The following ANKS3 variants were observed in gnomAD, a reference collection of about 807,000 sequenced individuals.
ANKS3 encodes ankyrin repeat and SAM domain-containing protein 3.
ANKS3 carries 62 observed loss-of-function variants against 80.7 expected under a neutral mutation model. The ratio of observed to expected loss-of-function variants is 0.77; its 90% CI spans 0.63 to 0.95. ANKS3 has a LOEUF of 0.95. Among genes scored for constraint, ANKS3 ranks in the 40% least tolerant of loss-of-function variants. The pLI, the probability that ANKS3 is intolerant of heterozygous loss-of-function variation, is 0.00. For synonymous variants in ANKS3, 489 were observed against 355.3 expected (o/e 1.38, Z -4.23); for missense variants, 1,150 against 883.6 (o/e 1.30, Z -3.82).
intron 7 of ANKS3, among the ~76,000 whole-genome samples, chr16:4,706,470 T>C (rs546277275): frequency 1.5e-4 from 23 of 152,186 alleles, no homozygotes; most frequent in South Asian, 2.1e-4. Flanking sequence ...CTCCTGACCT[T>C]GTGATCCGCC....
rs140116270 is a variant in ANKS3, at chr16:4,705,123, C to G, written c.840G>C (p.Leu280=). Residue 280 remains leucine, a synonymous_variant, in exon 8 of 18, where the codon CTG becomes CTC. Coordinates refer to ENST00000304283, the MANE Select transcript of ANKS3 (RefSeq NM_133450.4). ...AGCGAGGCCGTGGGGCTCTGCCGCC[C>G]AGGCCAATGCCTGTGATCCTGGCCA... ...RALARITGIG[L]GGRAPRPRYE... 2.5e-6 allele frequency: 4 copies of G among 1,612,970 alleles called. No individual in the cohort carries two copies. The Admixed American group carries it at 6.7e-5, about 27-fold the overall frequency.
rs927073495 is a variant in ANKS3 at position 4,732,689 on chromosome 16, A to C, written c.-70-1110T>G. Among the ~76,000 whole-genome samples the C allele has an allele frequency of 9.8e-5, 14 of 142,202 alleles. 1 individual carries two copies. Among genetic ancestry groups the C allele is most frequent in the African/African-American group, 3.5e-4 (14 of 39,680 alleles). 93.3% of individuals were successfully genotyped at this position (142,202 alleles called of 152,430 possible). On this transcript the variant is annotated intron_variant, in intron 1 of 17. Transcript: ENST00000304283. ...GCGAAATTCTGTCTCAAAAAAAAAAACAAAAAAAAAACACTAAAGTGAAAA... is the reference window on the plus strand; with the variant it reads ...GCGAAATTCTGTCTCAAAAAAAAAACCAAAAAAAAAACACTAAAGTGAAAA...
chr16:4,712,630 C>G (rs1276572848), intron 7 of ANKS3, among the ~76,000 whole-genome samples: 1 of 152,100 alleles, frequency 6.6e-6, no homozygotes, highest in Non-Finnish European at 1.5e-5. Flanking sequence ...CTGTAAAACA[C>G]CACTCAGGAA....
In ANKS3 at chr16:4,698,517, T is replaced by G; in HGVS notation, c.1634A>C (p.Glu545Ala). Residue 545 changes from glutamate (E) to alanine (A), a missense_variant, in exon 14 of 18, where the codon GAG (glutamate) becomes GCG (alanine). Glu to Ala is a moderately radical substitution (Grantham distance 107). Coordinates refer to ENST00000304283, the MANE Select transcript of ANKS3 (RefSeq NM_133450.4). Reference sequence around the variant, plus strand: ...GAGGTCCTCGCGGGCGCGGTCCTGCTCCAGCAGGCAGCTCTCCACCACGGC... The same window carrying G: ...GAGGTCCTCGCGGGCGCGGTCCTGCGCCAGCAGGCAGCTCTCCACCACGGC... ...LRAVVESCLL[E>A]QDRAREDLQA... 2 of 1,568,670 alleles carry G rather than the reference T, an allele frequency of 1.3e-6. No homozygotes were observed. Among genetic ancestry groups the G allele is most frequent in the Non-Finnish European group, 1.7e-6 (2 of 1,165,308 alleles).
chr16:4,704,566 C>T (rs185055009), intron 8 of ANKS3, among the ~76,000 whole-genome samples: 113 of 152,274 alleles, frequency 7.4e-4, no homozygotes, highest in Middle Eastern at 3.4e-3. Flanking sequence ...TGAGAATGAA[C>T]GAGACTGGAA....
At chr16:4,725,419 T>C (rs1427327855) in intron 5 of ANKS3, among the ~76,000 whole-genome samples, 1 of 152,216 alleles carries the variant, frequency 6.6e-6, no homozygotes, top group African/African-American at 2.4e-5. Flanking sequence ...AGACACACAG[T>C]GTTCATATTT....
intron 6 of ANKS3, 64 bp downstream of exon 6, chr16:4,724,686 C>T: frequency 1.3e-5 from 19 of 1,455,192 alleles, no homozygotes; most frequent in Non-Finnish European, 1.7e-5. Flanking sequence ...ATAGCTTATA[C>T]TTCAGTAATA....
At position 4,730,104 on chromosome 16, in the gene ANKS3, G is replaced by T; in HGVS notation, c.46C>A (p.Arg16Ser). 5.7e-6 allele frequency: 9 copies of T among 1,592,200 alleles called. No individual in the cohort carries two copies. Among genetic ancestry groups the T allele is most frequent in the East Asian group, 2.3e-5 (1 of 43,238 alleles). The change falls in exon 3 of 18, where the codon CGC (arginine) becomes AGC (serine). Residue 16 changes from arginine to serine, a missense_variant. By Grantham distance (110) the Arg-to-Ser change is moderately radical (BLOSUM62 -1). Transcript: ENST00000304283. ...AGCCCGTGCCACATGGACAAGCTGC[G>T]GTTCAGGAGTTCCGGCTCGCTGGCT... ...DEASEPELLNRSLSMWHGLGT... is the reference protein window; with the variant it reads ...DEASEPELLNSSLSMWHGLGT...
At chr16:4,707,088 G>A (rs962467025) in intron 7 of ANKS3, among the ~76,000 whole-genome samples, 1 of 152,134 alleles carries the variant, frequency 6.6e-6, no homozygotes, top group African/African-American at 2.4e-5. Flanking sequence ...TGAAGGGGAG[G>A]GAGCTGTAAG....
chr16:4,726,250 A>C (rs914392926), intron 5 of ANKS3, among the ~76,000 whole-genome samples: 2 of 152,342 alleles, frequency 1.3e-5, no homozygotes, highest in Admixed American at 1.3e-4. Context: ...AGCTGGGATC[A>C]CAGGCGTGAG....
intron 7 of ANKS3, among the ~76,000 whole-genome samples, chr16:4,707,844 C>T (rs2142062008): frequency 6.6e-6 from 1 of 152,280 alleles, no homozygotes; most frequent in East Asian, 1.9e-4. Context: ...GGCGCGGTGG[C>T]TCACGCCTGT....
At chr16:4,710,132 G>C (rs946582398) in intron 7 of ANKS3, among the ~76,000 whole-genome samples, 1 of 152,170 alleles carries the variant, frequency 6.6e-6, no homozygotes, top group East Asian at 1.9e-4. Flanking sequence ...TTGGGGGTGG[G>C]GAGGTAGTGG....
At chr16:4,723,767 G>A (rs1027853125) in intron 6 of ANKS3, among the ~76,000 whole-genome samples, 2 of 152,120 alleles carry the variant, frequency 1.3e-5, no homozygotes, top group Admixed American at 6.6e-5. Context: ...GAATATTTAT[G>A]TACAAGGTTC....
At position 4,731,594 on chromosome 16, in the gene ANKS3, T is replaced by A; in HGVS notation, c.-70-15A>T. ...CTGCACCTGGCCTGTAAATTTTAAA[T>A]ATAAATTAATTTTTCTGGAATGGTT... On this transcript the variant is annotated splice_polypyrimidine_tract_variant and intron_variant, in intron 1 of 17. Transcript: ENST00000304283. 1 of 917,146 alleles carries A rather than the reference T, an allele frequency of 1.1e-6. No homozygotes were observed. 56.8% of individuals were successfully genotyped at this position (917,146 alleles called of 1,614,324 possible).
intron 6 of ANKS3, among the ~76,000 whole-genome samples, chr16:4,715,821 G>T (rs2080765570): frequency 6.7e-6 from 1 of 150,368 alleles, no homozygotes. Context: ...TTTTTAATAG[G>T]ATCTTGCTCT....
chr16:4,705,514 G>A (rs2080136632), intron 7 of ANKS3, among the ~76,000 whole-genome samples: 2 of 152,198 alleles, frequency 1.3e-5, no homozygotes, highest in African/African-American at 4.8e-5. Flanking sequence ...GAGCTGAAGT[G>A]TAATGGCATG....
At chr16:4,718,654 T>G (rs189203590) in intron 6 of ANKS3, among the ~76,000 whole-genome samples, 5 of 152,152 alleles carry the variant, frequency 3.3e-5, no homozygotes, top group Non-Finnish European at 7.4e-5. Context: ...AGGAAAAACG[T>G]GGGAGAGAGG....
intron 5 of ANKS3, among the ~76,000 whole-genome samples, chr16:4,725,979 TG>T (rs1476771653): frequency 0.015 from 1,029 of 70,900 alleles, 12 homozygotes; most frequent in African/African-American, 0.034. Flanking sequence ...CTGTTGTTTT[TG>T]TTTTTTTTTT....
chr16:4,715,170 G>A (rs960911599), intron 6 of ANKS3, among the ~76,000 whole-genome samples: 1 of 152,004 alleles, frequency 6.6e-6, no homozygotes, highest in African/African-American at 2.4e-5. Flanking sequence ...GGCCAAGTGA[G>A]GTGGCTCATG....
Sources: allele counts gnomAD v4.1 joint callset (sites outside exome capture counted in the v4.1 genomes callset), GRCh38; gene constraint gnomAD v4.1.1; transcripts MANE v1.5; gene names NCBI Gene and HGNC (gene_info 2026-07-23, HGNC 2026-07-21).